Variants in MTMR1 observed in about 807,000 individuals in gnomAD.
MTMR1 encodes phosphatidylinositol-3-phosphate phosphatase MTMR1.
In MTMR1, 17 loss-of-function variants were observed where a neutral mutation model predicts 51.6. The ratio of observed to expected loss-of-function variants is 0.33; its 90% CI spans 0.23 to 0.49. MTMR1 has a LOEUF of 0.49. Among genes scored for constraint, MTMR1 ranks in the 20% least tolerant of loss-of-function variants. The probability of loss-of-function intolerance (pLI) is 0.99; values close to 1 mark genes in which losing one functional copy is unlikely to be tolerated. For synonymous variants in MTMR1, 201 were observed against 205.6 expected (o/e 0.98, Z 0.19); for missense variants, 386 against 526.9 (o/e 0.73, Z 2.62).
At chrX:150,719,163 G>C (rs978594009) in intron 4 of MTMR1, among the ~76,000 whole-genome samples, 1 of 111,817 alleles carries the variant, frequency 8.9e-6, no homozygotes, top group Non-Finnish European at 1.9e-5. Flanking sequence ...TAAAGGTGAT[G>C]GCATGAGGCC....
intron 14 of MTMR1, among the ~76,000 whole-genome samples, chrX:150,751,910 C>CTTTT (rs35937277): frequency 1.6e-3 from 65 of 41,559 alleles, no homozygotes; most frequent in Non-Finnish European, 2.0e-3. Flanking sequence ...CTTTTTCTTT[C>CTTTT]TTTTTTTTTT....
chrX:150,759,598 A>G (rs1603275203), intron 15 of MTMR1, among the ~76,000 whole-genome samples: 1 of 109,550 alleles, frequency 9.1e-6, no homozygotes, highest in African/African-American at 3.3e-5. Context: ...GGTGTCCCAC[A>G]GGGGTGCACC....
At chrX:150,750,169 T>G (rs2042686248) in intron 13 of MTMR1, among the ~76,000 whole-genome samples, 1 of 111,500 alleles carries the variant, frequency 9.0e-6, no homozygotes, top group Admixed American at 9.5e-5. Context: ...GTTGTCTTTG[T>G]AGGAAGGTTC....
In MTMR1 at chrX:150,763,028, C is replaced by G. The variant is rs1388469655; in HGVS notation, c.*299C>G. On this transcript the variant is annotated 3_prime_UTR_variant, in exon 16 of 16. Transcript: ENST00000445323. ...CAAGAAAGCTGTACGCCATTTCTTT[C>G]CAACTTAAATCCTTCAGTAACAACA... The G allele has an allele frequency of 2.3e-5, 5 of 221,479 alleles. No homozygotes were observed. The highest frequency in any genetic ancestry group is 4.1e-5 in the Non-Finnish European group (5 of 122,187). The allele number at this position is 221,479 out of a possible 1,213,427, so 18.3% of individuals were successfully genotyped here.
chrX:150,708,876 T>A (rs782672943), intron 2 of MTMR1, among the ~76,000 whole-genome samples: 58 of 111,848 alleles, frequency 5.2e-4, no homozygotes, highest in Non-Finnish European at 9.6e-4. Flanking sequence ...GGTGTGTGGT[T>A]CGCCTGAGGT....
Position 150,764,430 on chromosome X carries a change from A to C in MTMR1, c.*1701A>C, listed in dbSNP as rs978428251. 4 of 112,023 alleles carry C rather than the reference A, an allele frequency of 3.6e-5. No homozygotes were observed. Among genetic ancestry groups the C allele is most frequent in the Non-Finnish European group, 5.6e-5 (3 of 53,174 alleles). The allele number at this position is 112,023 out of a possible 1,213,427, so 9.2% of individuals were successfully genotyped here. A position where few individuals can be genotyped will look rare whatever the true frequency, so the allele number is the denominator to read the frequency against. Reference sequence around the variant, plus strand: ...GCTTTTATGTTCCTAACATATCTGAAAGCTTATTTATGAATGGATATACTG... The same window carrying C: ...GCTTTTATGTTCCTAACATATCTGACAGCTTATTTATGAATGGATATACTG... On this transcript the variant is annotated 3_prime_UTR_variant, in exon 16 of 16. Coordinates refer to ENST00000445323, the MANE Select transcript of MTMR1 (RefSeq NM_001306144.3).
chrX:150,718,249 A>C (rs1192160391), intron 3 of MTMR1, among the ~76,000 whole-genome samples: 1 of 112,239 alleles, frequency 8.9e-6, no homozygotes, highest in Non-Finnish European at 1.9e-5. Context: ...TGTTGGTTTC[A>C]TTTGTATTAG....
At chrX:150,760,902 G>C (rs1338009654) in intron 15 of MTMR1, among the ~76,000 whole-genome samples, 1 of 101,891 alleles carries the variant, frequency 9.8e-6, no homozygotes, top group African/African-American at 3.6e-5. Context: ...ACTCCAGCCT[G>C]GGGGAGAGAG....
At chrX:150,753,840 A>G (rs1210808652) in intron 14 of MTMR1, among the ~76,000 whole-genome samples, 1 of 111,979 alleles carries the variant, frequency 8.9e-6, no homozygotes, top group African/African-American at 3.2e-5. Flanking sequence ...ACTGCAATTT[A>G]TCTATTTTTT....
rs2040559333 is a variant in MTMR1, at chrX:150,693,690, G to A, written c.146+14G>A. On this transcript the variant is annotated intron_variant, in intron 1 of 15. Coordinates refer to ENST00000445323, the MANE Select transcript of MTMR1 (RefSeq NM_001306144.3). ...GACCCTGGACAGGTAAGCGGGGCCC[G>A]GGCTGCCCCGGCCTCCCGCGCCCCG... 2 of 755,874 alleles carry A rather than the reference G, an allele frequency of 2.6e-6. No individual in the cohort carries two copies. Among genetic ancestry groups the A allele is most frequent in the Non-Finnish European group, 1.6e-6 (1 of 640,906 alleles). The allele number at this position is 755,874 out of a possible 1,213,427, so 62.3% of individuals were successfully genotyped here.
chrX:150,704,545 G>A (rs781938185), intron 2 of MTMR1, among the ~76,000 whole-genome samples: 7 of 111,738 alleles, frequency 6.3e-5, no homozygotes, highest in South Asian at 3.7e-4. Context: ...AGTAGAGGCC[G>A]TATCAAGGGC....
intron 13 of MTMR1, among the ~76,000 whole-genome samples, chrX:150,749,248 T>C (rs916063534): frequency 8.9e-6 from 1 of 112,479 alleles, no homozygotes; most frequent in African/African-American, 3.2e-5. Flanking sequence ...ATTGTTCTAA[T>C]TGAAAAGCCT....
rs144577498 is a variant in MTMR1, at chrX:150,736,759, G to A, written c.1245G>A (p.Thr415=). The A allele has an allele frequency of 1.6e-5, 19 of 1,204,298 alleles. No individual in the cohort carries two copies. In the Admixed American group the frequency reaches 2.7e-4, roughly 17 times the overall value. The change falls in exon 11 of 16, where the codon ACG becomes ACA. Residue 415 remains threonine (T), a synonymous_variant. Coordinates refer to ENST00000445323, the MANE Select transcript of MTMR1 (RefSeq NM_001306144.3). The stretch of plus-strand genomic sequence containing the variant: ...GGTGGCTCTCCAATGTGGATGGGAC[G>A]CATTGGCTGGAATATATAAGGGTAA... ...EARWLSNVDG[T]HWLEYIRMLL...
Position 150,762,653 on chromosome X carries a change from C to T in MTMR1, c.1946C>T (p.Thr649Met), listed in dbSNP as rs782468777. ...GAGGGCCTACAGCGGGAGGTGGCCA[C>T]GCGCGCCGTCTCATCCTCATCTGAG... Reference protein sequence around the residue: ...RVEGLQREVATRAVSSSSERG... With the variant: ...RVEGLQREVAMRAVSSSSERG... The change falls in exon 16 of 16, where the codon ACG (threonine) becomes ATG (methionine). Residue 649 changes from threonine to methionine, a missense_variant. Transcript: ENST00000445323. The T allele has an allele frequency of 1.7e-5, 20 of 1,208,298 alleles. No individual in the cohort carries two copies. Among genetic ancestry groups the T allele is most frequent in the African/African-American group, 8.7e-5 (5 of 57,247 alleles).
At position 150,764,448 on chromosome X, in the gene MTMR1, A is replaced by G. The variant is rs1272107246; in HGVS notation, c.*1719A>G. On this transcript the variant is annotated 3_prime_UTR_variant, in exon 16 of 16. Coordinates refer to ENST00000445323, the MANE Select transcript of MTMR1 (RefSeq NM_001306144.3). ...TATCTGAAAGCTTATTTATGAATGGATATACTGGATTATTGATATACTGAT... is the reference window on the plus strand; with the variant it reads ...TATCTGAAAGCTTATTTATGAATGGGTATACTGGATTATTGATATACTGAT... The G allele has an allele frequency of 8.9e-6, 1 of 111,994 alleles. No individual in the cohort carries two copies. Among genetic ancestry groups the G allele is most frequent in the African/African-American group, 3.3e-5 (1 of 30,750 alleles). The allele number at this position is 111,994 out of a possible 1,213,427, so 9.2% of individuals were successfully genotyped here. A position where few individuals can be genotyped will look rare whatever the true frequency, so the allele number is the denominator to read the frequency against.
Position 150,693,678 on chromosome X carries a change from T to G in MTMR1, c.146+2T>G. The G allele has an allele frequency of 1.3e-6, 1 of 753,561 alleles. No individual in the cohort carries two copies. The highest frequency in any genetic ancestry group is 6.6e-5 in the South Asian group (1 of 15,237). 62.1% of individuals were successfully genotyped at this position (753,561 alleles called of 1,213,427 possible). The stretch of plus-strand genomic sequence containing the variant: ...GCCCAGCGTGGAGACCCTGGACAGG[T>G]AAGCGGGGCCCGGGCTGCCCCGGCC... On this transcript the variant is annotated splice_donor_variant, in intron 1 of 15. Transcript: ENST00000445323. LOFTEE classifies it high-confidence loss of function.
At position 150,764,895 on chromosome X, in the gene MTMR1, A is replaced by G. The variant is rs1484904076; in HGVS notation, c.*2166A>G. Reference sequence around the variant, plus strand: ...GTCTCATCTGTTGCACTGTATTTCAATCATCTGTAATTAAAATGATCATAT... The same window carrying G: ...GTCTCATCTGTTGCACTGTATTTCAGTCATCTGTAATTAAAATGATCATAT... On this transcript the variant is annotated 3_prime_UTR_variant, in exon 16 of 16. Transcript: ENST00000445323. 2 of 112,278 alleles carry G rather than the reference A, an allele frequency of 1.8e-5. No homozygotes were observed. The highest frequency in any genetic ancestry group is 3.8e-5 in the Non-Finnish European group (2 of 53,295). The allele number at this position is 112,278 out of a possible 1,213,427, so 9.3% of individuals were successfully genotyped here.
intron 12 of MTMR1, 78 bp from the exon 13 acceptor site, chrX:150,744,283 T>C (rs2042516161): frequency 1.3e-6 from 1 of 790,194 alleles, no homozygotes; most frequent in Admixed American, 2.5e-5. Context: ...ATGTGATTCT[T>C]ACCACTGGAC....
intron 15 of MTMR1, among the ~76,000 whole-genome samples, chrX:150,761,643 G>T (rs868918319): frequency 4.4e-5 from 5 of 112,580 alleles, no homozygotes; most frequent in African/African-American, 1.3e-4. Context: ...TTACACATGG[G>T]ATCAGAGACA....
Sources: allele counts gnomAD v4.1 joint callset (sites outside exome capture counted in the v4.1 genomes callset), GRCh38; gene constraint gnomAD v4.1.1; transcripts MANE v1.5; gene names NCBI Gene and HGNC (gene_info 2026-07-23, HGNC 2026-07-21).